ADGRE5: variants seen among roughly 807,000 people sequenced by gnomAD.
The protein encoded by ADGRE5 is adhesion G protein-coupled receptor E5, also known as CD97 molecule.
A neutral mutation model predicts 100.3 loss-of-function variants in ADGRE5; 72 were observed. The observed-to-expected ratio is 0.72, with a 90% CI of 0.59 to 0.87. The LOEUF is 0.87. Among genes scored for constraint, ADGRE5 ranks in the 40% least tolerant of loss-of-function variants. The pLI is 0.00. For synonymous variants in ADGRE5, 439 were observed against 447.8 expected (o/e 0.98, Z 0.25); for missense variants, 959 against 1,094.7 (o/e 0.88, Z 1.75).
In ADGRE5 at chr19:14,406,234, T is replaced by C; in HGVS notation, c.1822-97T>C. Reference sequence around the variant, plus strand: ...AGACCCGCCCACCCTCCGGCTGTGGTCCCGCCCACTCTCGGGACCTGGCAG... The same window carrying C: ...AGACCCGCCCACCCTCCGGCTGTGGCCCCGCCCACTCTCGGGACCTGGCAG... On this transcript the variant is annotated intron_variant, in intron 14 of 19. Transcript: ENST00000242786. The surrounding 1 kb of genome is among the most constrained non-coding windows in gnomAD (Gnocchi z 6.0). The C allele has an allele frequency of 1.0e-6, 1 of 994,162 alleles. No individual in the cohort carries two copies. The highest frequency in any genetic ancestry group is 2.6e-5 in the Admixed American group (1 of 39,188). 61.6% of individuals were successfully genotyped at this position (994,162 alleles called of 1,614,324 possible).
intron 18 of ADGRE5, 65 bp from the exon 19 acceptor site, chr19:14,407,843 C>G (rs2146380806): frequency 9.7e-6 from 13 of 1,342,690 alleles, no homozygotes; most frequent in Non-Finnish European, 1.3e-5. Context: ...GAGGGCAGAG[C>G]ATGGGGAGGA....
At chr19:14,398,769 G>A (rs1360621616) in intron 9 of ADGRE5, among the ~76,000 whole-genome samples, 2 of 150,270 alleles carry the variant, frequency 1.3e-5, no homozygotes, top group East Asian at 3.9e-4. Context: ...TAAGGCAAGT[G>A]ACTTGCCCTC....
At chr19:14,399,511 C>T (rs1261137918) in intron 9 of ADGRE5, among the ~76,000 whole-genome samples, 1 of 141,234 alleles carries the variant, frequency 7.1e-6, no homozygotes. Context: ...TTGCAGTGAG[C>T]CGAGATCCCG....
At position 14,406,328 on chromosome 19, in the gene ADGRE5, C is replaced by T. The variant is rs765735228; in HGVS notation, c.1822-3C>T. 100 of 1,555,170 alleles carry T rather than the reference C, an allele frequency of 6.4e-5. No homozygotes were observed. The highest frequency in any genetic ancestry group is 8.2e-5 in the Non-Finnish European group (95 of 1,152,936). On this transcript the variant is annotated splice_polypyrimidine_tract_variant and splice_region_variant and intron_variant, in intron 14 of 19. Transcript: ENST00000242786. This position sits in a 1 kb window ranked among gnomAD's most constrained non-coding sequence, Gnocchi z 6.0. ...GCTCCGCCCCTCCGTCCCCGCCCCG[C>T]AGGTGGGGCTGCGCTGCCGCCTGGT...
rs1234452850 is a variant in ADGRE5 at position 14,406,097 on chromosome 19, TTG to T, written c.1821+160_1821+161del. On this transcript the variant is annotated intron_variant, in intron 14 of 19. Coordinates refer to ENST00000242786, the MANE Select transcript of ADGRE5 (RefSeq NM_078481.4). The surrounding 1 kb of genome is among the most constrained non-coding windows in gnomAD (Gnocchi z 6.0). ...TGGCCCCGCCCACCGGGGGGTCGGGTTGTCTCTTTAAAGGGCGCTGGCTTTGG... is the reference window on the plus strand; with the variant it reads ...TGGCCCCGCCCACCGGGGGGTCGGGTTCTCTTTAAAGGGCGCTGGCTTTGG... Among the ~76,000 whole-genome samples, 2 of 151,804 alleles carry T rather than the reference TTG, an allele frequency of 1.3e-5. No homozygotes were observed. Among genetic ancestry groups the T allele is most frequent in the Non-Finnish European group, 2.9e-5 (2 of 67,942 alleles).
chr19:14,394,850 C>T (rs1388381237), intron 4 of ADGRE5, among the ~76,000 whole-genome samples: 3 of 152,278 alleles, frequency 2.0e-5, no homozygotes, highest in South Asian at 2.1e-4. Context: ...AGATGCCTCC[C>T]GACCACCTTT....
rs1395775409 is a variant in ADGRE5 at position 14,405,769 on chromosome 19, A to T, written c.1651A>T (p.Thr551Ser). The T allele has an allele frequency of 1.9e-6, 3 of 1,613,400 alleles. No homozygotes were observed. The highest frequency in any genetic ancestry group is 2.5e-6 in the Non-Finnish European group (3 of 1,179,742). Residue 551 changes from threonine to serine, a missense_variant, in exon 14 of 20, where the codon ACC becomes TCC. Thr to Ser is a moderately conservative substitution (Grantham distance 58, BLOSUM62 1). Coordinates refer to ENST00000242786, the MANE Select transcript of ADGRE5 (RefSeq NM_078481.4). ...DVEDWKLTLI[T>S]RVGLALSLFC... is the part of the protein sequence containing the mutation. The stretch of plus-strand genomic sequence containing the variant: ...CTAGGACTGGAAGCTGACCCTGATC[A>T]CCAGGGTGGGACTGGCGCTGTCACT...
intron 9 of ADGRE5, among the ~76,000 whole-genome samples, chr19:14,398,535 T>TGTG (rs1975876305): frequency 1.3e-5 from 2 of 150,522 alleles, no homozygotes; most frequent in African/African-American, 4.9e-5. Flanking sequence ...ATTAGCTGGG[T>TGTG]GTGGTGGCGG....
chr19:14,402,434 C>CAA (rs375867062), intron 11 of ADGRE5, among the ~76,000 whole-genome samples, 163 bp from the exon 12 acceptor site: 4 of 127,950 alleles, frequency 3.1e-5, no homozygotes, highest in African/African-American at 5.7e-5. Context: ...AACTCCGTCT[C>CAA]AAAAAAAAAA....
intron 1 of ADGRE5, among the ~76,000 whole-genome samples, chr19:14,385,671 G>A (rs1345526342): frequency 6.6e-6 from 1 of 152,182 alleles, no homozygotes; most frequent in East Asian, 1.9e-4. Context: ...AGACCGCCAG[G>A]GCCAGTGGCA....
Position 14,397,083 on chromosome 19 carries a change from A to G in ADGRE5, c.485A>G (p.Asn162Ser), listed in dbSNP as rs758417597. The change falls in exon 6 of 20, where the codon AAT (asparagine) becomes AGT (serine). Residue 162 changes from asparagine to serine, a missense_variant. This residue lies in a region of ADGRE5 where 83 missense variants were observed against 88.8 expected (regional missense o/e 0.93). Transcript: ENST00000242786. The part of the protein sequence containing the change: ...PEDPKVCTDV[N>S]ECTSGQNPCH... ...CCTCTGGCTTTGTCCTCAGATGTGA[A>G]TGAATGCACCTCCGGACAAAACCCG... 1.2e-6 allele frequency: 2 copies of G among 1,613,760 alleles called. No individual in the cohort carries two copies. The highest frequency in any genetic ancestry group is 1.7e-6 in the Non-Finnish European group (2 of 1,179,972).
intron 4 of ADGRE5, among the ~76,000 whole-genome samples, chr19:14,393,070 C>T (rs12610713): frequency 0.067 from 10,179 of 151,412 alleles, 446 homozygotes; most frequent in Middle Eastern, 0.1. Context: ...GCATGGTGGC[C>T]GGCATCTGTA....
At chr19:14,392,691 T>A (rs1323815810) in intron 4 of ADGRE5, among the ~76,000 whole-genome samples, 1 of 150,448 alleles carries the variant, frequency 6.6e-6, no homozygotes, top group Non-Finnish European at 1.5e-5. Flanking sequence ...TCATCTGAGG[T>A]CAGGAGTTCA....
intron 1 of ADGRE5, among the ~76,000 whole-genome samples, chr19:14,383,839 G>C (rs9917022): frequency 6.6e-6 from 1 of 151,594 alleles, no homozygotes; most frequent in African/African-American, 2.4e-5. Flanking sequence ...GGGGCACAAA[G>C]GAACCCTGCC....
intron 9 of ADGRE5, among the ~76,000 whole-genome samples, chr19:14,400,989 T>C (rs1401013505): frequency 4.6e-5 from 7 of 151,652 alleles, no homozygotes; most frequent in South Asian, 2.1e-4. Context: ...CCGGGTGTGG[T>C]GGCACGCTTC....
chr19:14,392,238 A>AC (rs1279490339), intron 4 of ADGRE5, among the ~76,000 whole-genome samples: 8 of 152,084 alleles, frequency 5.3e-5, no homozygotes, highest in Non-Finnish European at 1.2e-4. Flanking sequence ...ACATTTCAAG[A>AC]CCCCATCTCT....
In ADGRE5 at chr19:14,402,758, T is replaced by C; in HGVS notation, c.1345T>C (p.Phe449Leu). The C allele has an allele frequency of 6.2e-7, 1 of 1,614,152 alleles. No individual in the cohort carries two copies. The highest frequency in any genetic ancestry group is 1.1e-5 in the South Asian group (1 of 91,084). The change falls in exon 12 of 20, where the codon TTT becomes CTT. Residue 449 changes from phenylalanine (F) to leucine (L), a missense_variant. Coordinates refer to ENST00000242786, the MANE Select transcript of ADGRE5 (RefSeq NM_078481.4). The stretch of plus-strand genomic sequence containing the variant: ...ACGCCTCTCTGCCGTCAACTCCATC[T>C]TTCTGAGCCACAACAACACCAAGGA... ...LRRLSAVNSI[F>L]LSHNNTKELN...
chr19:14,394,675 G>A (rs551699008), intron 4 of ADGRE5, among the ~76,000 whole-genome samples: 25 of 152,230 alleles, frequency 1.6e-4, no homozygotes, highest in Admixed American at 2.0e-4. Flanking sequence ...GGGACTGCCA[G>A]GATGAGACTT....
intron 4 of ADGRE5, among the ~76,000 whole-genome samples, chr19:14,392,819 C>T (rs1389794480): frequency 6.6e-6 from 1 of 151,490 alleles, no homozygotes; most frequent in Non-Finnish European, 1.5e-5. Flanking sequence ...ACGAGAATCG[C>T]TTGAACCTGA....
Sources: allele counts gnomAD v4.1 joint callset (sites outside exome capture counted in the v4.1 genomes callset), GRCh38; gene constraint gnomAD v4.1.1; regional missense constraint gnomAD v4.1.1; non-coding constraint Gnocchi (gnomAD v3.1); transcripts MANE v1.5; gene names NCBI Gene and HGNC (gene_info 2026-07-23, HGNC 2026-07-21).